ATP8A2: variants seen among roughly 807,000 people sequenced by gnomAD.
ATP8A2 encodes the protein phospholipid-transporting ATPase IB.
Under a neutral mutation model 165.6 loss-of-function variants are expected in ATP8A2, and 100 were observed. The ratio of observed to expected loss-of-function variants is 0.60; its 90% CI spans 0.51 to 0.71. ATP8A2 has a LOEUF of 0.71. ATP8A2 is among the 30% of genes least tolerant of loss of function. ATP8A2 has a pLI of 0.00. For synonymous variants in ATP8A2, 543 were observed against 548.8 expected (o/e 0.99, Z 0.15); for missense variants, 1,227 against 1,479.5 (o/e 0.83, Z 2.80).
chr13:25,472,403 A>AT (rs2137536970), intron 2 of ATP8A2, among the ~76,000 whole-genome samples: 1 of 149,932 alleles, frequency 6.7e-6, no homozygotes, highest in South Asian at 2.1e-4. Context: ...CAAAAAAAAA[A>AT]AAAAAAAATT....
intron 33 of ATP8A2, among the ~76,000 whole-genome samples, chr13:25,961,287 G>A (rs1955652918): frequency 6.6e-6 from 1 of 152,130 alleles, no homozygotes; most frequent in Non-Finnish European, 1.5e-5. Context: ...CTCTCTTTAG[G>A]AAGGATTTAA....
intron 24 of ATP8A2, chr13:25,591,319 C>G (rs915148464): frequency 4.4e-6 from 2 of 456,686 alleles, no homozygotes; most frequent in South Asian, 3.1e-5. Flanking sequence ...CATTCCCACA[C>G]CTACCTCATC....
intron 15 of ATP8A2, among the ~76,000 whole-genome samples, chr13:25,563,159 C>A (rs1221626837): frequency 6.6e-6 from 1 of 152,156 alleles, no homozygotes; most frequent in Non-Finnish European, 1.5e-5. Context: ...CCTGTAATCC[C>A]AGCACTTTGG....
At chr13:26,001,206 A>G (rs917003275) in intron 35 of ATP8A2, among the ~76,000 whole-genome samples, 5 of 152,216 alleles carry the variant, frequency 3.3e-5, no homozygotes, top group African/African-American at 1.2e-4. Flanking sequence ...GTATGTATCC[A>G]TCTGTACCAT....
intron 2 of ATP8A2, among the ~76,000 whole-genome samples, chr13:25,512,038 C>T (rs1021611589): frequency 1.8e-4 from 28 of 151,856 alleles, no homozygotes; most frequent in African/African-American, 5.6e-4. Flanking sequence ...TGCGGCCTTC[C>T]GCAGTGTTTG....
At chr13:25,531,352 A>G (rs1178258039) in intron 4 of ATP8A2, among the ~76,000 whole-genome samples, 2 of 133,870 alleles carry the variant, frequency 1.5e-5, no homozygotes, top group East Asian at 2.1e-4. Context: ...TATGATATAT[A>G]TGTTATATAT....
chr13:25,635,083 G>A (rs866269786), intron 24 of ATP8A2, among the ~76,000 whole-genome samples: 11 of 152,294 alleles, frequency 7.2e-5, no homozygotes, highest in Middle Eastern at 3.4e-3. Context: ...CATGAGTTAG[G>A]ATTGTATTGT....
At chr13:25,699,899 T>C (rs2042915165) in intron 25 of ATP8A2, among the ~76,000 whole-genome samples, 1 of 144,110 alleles carries the variant, frequency 6.9e-6, no homozygotes, top group Non-Finnish European at 1.5e-5. Flanking sequence ...GGCTGCTGGC[T>C]ATGTGGAGGT....
chr13:25,629,804 G>A (rs1432219691), intron 24 of ATP8A2, among the ~76,000 whole-genome samples: 2 of 152,000 alleles, frequency 1.3e-5, no homozygotes, highest in Non-Finnish European at 2.9e-5. Context: ...AGAAATACTG[G>A]TTTAACATAT....
intron 35 of ATP8A2, among the ~76,000 whole-genome samples, chr13:26,004,757 G>A (rs1400942630): frequency 6.6e-6 from 1 of 151,926 alleles, no homozygotes; most frequent in Non-Finnish European, 1.5e-5. Flanking sequence ...TGATCATATG[G>A]TTTTTATATT....
At chr13:25,537,607 A>G (rs1369970006) in intron 6 of ATP8A2, among the ~76,000 whole-genome samples, 1 of 152,190 alleles carries the variant, frequency 6.6e-6, no homozygotes, top group Non-Finnish European at 1.5e-5. Context: ...GATTGAGCCC[A>G]GGCTTTAGGC....
intron 25 of ATP8A2, among the ~76,000 whole-genome samples, chr13:25,714,036 A>G (rs2043205724): frequency 6.6e-6 from 1 of 152,076 alleles, no homozygotes; most frequent in South Asian, 2.1e-4. Flanking sequence ...GCTGATATAG[A>G]TTTCTGTGGC....
At position 25,480,172 on chromosome 13, in the gene ATP8A2, A is replaced by AC. The variant is rs1229949321; in HGVS notation, c.221+11058dup. Reference sequence around the variant, plus strand: ...GGGCAGCTGGCCGGGTGGGGGGCTGACCCCCCCACCTCCCTCCCGGACGGA... The same window carrying AC: ...GGGCAGCTGGCCGGGTGGGGGGCTGACCCCCCCCACCTCCCTCCCGGACGGA... On this transcript the variant is annotated intron_variant, in intron 2 of 36. Transcript: ENST00000381655. 1.9e-3 allele frequency among the ~76,000 whole-genome samples: 263 copies of AC among 135,182 alleles called. 1 individual carries two copies. The highest frequency in any genetic ancestry group is 4.0e-3 in the Admixed American group (54 of 13,566). 88.7% of individuals were successfully genotyped at this position (135,182 alleles called of 152,430 possible).
chr13:25,841,852 A>C (rs1299551127), intron 30 of ATP8A2, among the ~76,000 whole-genome samples: 1 of 152,232 alleles, frequency 6.6e-6, no homozygotes, highest in Non-Finnish European at 1.5e-5. Context: ...GTCCCAGGTC[A>C]GGGAGCTGGC....
At chr13:25,566,723 CATTT>C (rs1472368807) in intron 16 of ATP8A2, among the ~76,000 whole-genome samples, 8 of 152,204 alleles carry the variant, frequency 5.3e-5, no homozygotes, top group Non-Finnish European at 1.2e-4. Context: ...ATCAGAGACT[CATTT>C]ATTTATTCAC....
chr13:25,926,032 C>T (rs1249118993), intron 33 of ATP8A2, among the ~76,000 whole-genome samples: 1 of 152,110 alleles, frequency 6.6e-6, no homozygotes, highest in Non-Finnish European at 1.5e-5. Flanking sequence ...AGTCAGTTCT[C>T]AATTTTCATA....
chr13:25,711,314 G>C (rs913405211), intron 25 of ATP8A2, among the ~76,000 whole-genome samples: 2 of 151,900 alleles, frequency 1.3e-5, no homozygotes, highest in African/African-American at 4.8e-5. Flanking sequence ...CAGTCCTGTA[G>C]GTATTAATGA....
At chr13:25,409,196 T>C (rs1165228215) in intron 1 of ATP8A2, among the ~76,000 whole-genome samples, 4 of 152,210 alleles carry the variant, frequency 2.6e-5, no homozygotes, top group African/African-American at 7.2e-5. Context: ...TACTGAAGTA[T>C]TGACTTAAAG....
intron 27 of ATP8A2, among the ~76,000 whole-genome samples, chr13:25,787,752 C>T (rs1262933665): frequency 6.6e-6 from 1 of 152,202 alleles, no homozygotes; most frequent in Non-Finnish European, 1.5e-5. Flanking sequence ...ATAGGTGTCC[C>T]ATGGTTGGGG....
Sources: allele counts gnomAD v4.1 joint callset (sites outside exome capture counted in the v4.1 genomes callset), GRCh38; gene constraint gnomAD v4.1.1; transcripts MANE v1.5; gene names NCBI Gene and HGNC (gene_info 2026-07-23, HGNC 2026-07-21).